KANK1: variants seen among roughly 807,000 people sequenced by gnomAD.
The protein encoded by KANK1 is KN motif and ankyrin repeat domain-containing protein 1.
In KANK1, 109 loss-of-function variants were observed where a neutral mutation model predicts 106.2. The observed-to-expected ratio is 1.03, with a 90% confidence interval of 0.88 to 1.20. KANK1 has a LOEUF of 1.20. Ranked by LOEUF, KANK1 falls within the 50% of genes most tolerant of loss-of-function variation. KANK1 has a pLI of 0.00. For synonymous variants in KANK1, 873 were observed against 652.2 expected (o/e 1.34, Z -5.16); for missense variants, 2,399 against 1,710.7 (o/e 1.40, Z -7.10).
In KANK1 at chr9:624,508, CAA is replaced by C. The variant is rs1833892285; in HGVS notation, c.-83-52381_-83-52380del. Among the ~76,000 whole-genome samples the C allele has an allele frequency of 2.0e-5, 3 of 152,066 alleles. No homozygotes were observed. In the South Asian group the frequency reaches 6.2e-4, roughly 32 times the overall value. ...AGCATCCTAAAAGTTGCATTAAAAA[CAA>C]TGATGAAAACAGGCCGGGTGTGGTG... is the stretch of plus-strand genomic sequence containing the variant. On this transcript the variant is annotated intron_variant, in intron 1 of 11. Coordinates refer to ENST00000382297, the MANE Select transcript of KANK1 (RefSeq NM_015158.5).
intron 1 of KANK1, among the ~76,000 whole-genome samples, chr9:569,075 G>A (rs1252767984): frequency 6.6e-6 from 1 of 152,132 alleles, no homozygotes; most frequent in Non-Finnish European, 1.5e-5. Context: ...TTGGGAGGCT[G>A]TTAGTGCAGA....
chr9:698,896 T>C (rs1564008178), intron 2 of KANK1, among the ~76,000 whole-genome samples: 1 of 152,174 alleles, frequency 6.6e-6, no homozygotes, highest in Non-Finnish European at 1.5e-5. Flanking sequence ...TTTCACTCCC[T>C]TGTTTAAAAC....
At position 521,608 on chromosome 9, in the gene KANK1, C is replaced by G. The variant is rs530319699; in HGVS notation, c.-84+16854C>G. Among the ~76,000 whole-genome samples the G allele has an allele frequency of 2.7e-5, 4 of 149,076 alleles. No individual in the cohort carries two copies. The South Asian group carries it at 6.4e-4, about 24-fold the overall frequency. Reference sequence around the variant, plus strand: ...TTGGAGACAGAGTTTTGCTCGTCACCCAGGCTGGAGTGCAATGGTGTGATC... The same window carrying G: ...TTGGAGACAGAGTTTTGCTCGTCACGCAGGCTGGAGTGCAATGGTGTGATC... On this transcript the variant is annotated intron_variant, in intron 1 of 11. Transcript: ENST00000382297.
rs762148441 is a variant in KANK1, at chr9:711,528, C to T, written c.762C>T (p.Asn254=). ...CAGGGATCTCCACCCCAGTGACCAA[C>T]GTGAGCCCCATGCACCTGCAGCACA... The part of the protein sequence containing the change: ...LSSGISTPVT[N]VSPMHLQHIR... The change falls in exon 3 of 12, where the codon AAC becomes AAT. Residue 254 remains asparagine (N), a synonymous_variant. Coordinates refer to ENST00000382297, the MANE Select transcript of KANK1 (RefSeq NM_015158.5). 6 of 1,613,650 alleles carry T rather than the reference C, an allele frequency of 3.7e-6. No homozygotes were observed. The South Asian group carries it at 6.6e-5, about 18-fold the overall frequency.
At chr9:550,142 A>G (rs2061185354) in intron 1 of KANK1, among the ~76,000 whole-genome samples, 1 of 152,082 alleles carries the variant, frequency 6.6e-6, no homozygotes, top group South Asian at 2.1e-4. Flanking sequence ...TTTGCAAGCA[A>G]TCACATTGCA....
At chr9:728,224 CCTCTGTCA>C (rs1330286282) in intron 3 of KANK1, among the ~76,000 whole-genome samples, 8 of 151,872 alleles carry the variant, frequency 5.3e-5, no homozygotes, top group Non-Finnish European at 1.2e-4. Flanking sequence ...ATGGAGTCTC[CCTCTGTCA>C]CTCTGTCACC....
At chr9:479,063 C>T (rs1057363557) in intron 3 of KANK1, among the ~76,000 whole-genome samples, 5 of 152,028 alleles carry the variant, frequency 3.3e-5, no homozygotes, top group African/African-American at 1.2e-4. Flanking sequence ...ATTACAGCCA[C>T]CCATAGATTT....
At chr9:507,556 ATTT>A (rs755577004) in intron 1 of KANK1, among the ~76,000 whole-genome samples, 4 of 127,390 alleles carry the variant, frequency 3.1e-5, no homozygotes, top group African/African-American at 6.4e-5. Context: ...TGCCCGGCTA[ATTT>A]TTTTTTTTTT....
intron 1 of KANK1, among the ~76,000 whole-genome samples, chr9:671,563 C>A: frequency 1.0e-5 from 1 of 98,050 alleles, no homozygotes; most frequent in Non-Finnish European, 2.0e-5. Context: ...TTGCAGCGTG[C>A]CGAGATGGCG....
chr9:649,546 C>CTGATTA (rs1351020506), intron 1 of KANK1, among the ~76,000 whole-genome samples: 2 of 152,150 alleles, frequency 1.3e-5, no homozygotes, highest in Non-Finnish European at 2.9e-5. Flanking sequence ...TAAGTAGTGC[C>CTGATTA]TGATTATAGC....
intron 2 of KANK1, among the ~76,000 whole-genome samples, chr9:692,006 C>T (rs530877908): frequency 2.5e-4 from 38 of 152,218 alleles, no homozygotes; most frequent in Middle Eastern, 3.4e-3. Context: ...TGAATTTTAT[C>T]ACAGGGCAGG....
At position 530,505 on chromosome 9, in the gene KANK1, GTCTGTTTCTTGACT is replaced by G. The variant is rs929202436; in HGVS notation, c.-84+25772_-84+25785del. Among the ~76,000 whole-genome samples, 74 of 152,146 alleles carry G rather than the reference GTCTGTTTCTTGACT, an allele frequency of 4.9e-4. 1 individual carries two copies. The highest frequency in any genetic ancestry group is 3.4e-3 in the Middle Eastern group (1 of 294). On this transcript the variant is annotated intron_variant, in intron 1 of 11. Transcript: ENST00000382297. ...CTGACTAAATCCCCCATGCCTATGTGTCTGTTTCTTGACTTCTGTTTCTTGACTTCTGTTGTGTT... is the reference window on the plus strand; with the variant it reads ...CTGACTAAATCCCCCATGCCTATGTGTCTGTTTCTTGACTTCTGTTGTGTT...
chr9:669,460 G>A (rs552288311), intron 1 of KANK1, among the ~76,000 whole-genome samples: 11 of 152,162 alleles, frequency 7.2e-5, no homozygotes, highest in African/African-American at 2.7e-4. Context: ...CTTCATACTT[G>A]AAGGATATTT....
At chr9:556,261 A>T (rs763122263) in intron 1 of KANK1, among the ~76,000 whole-genome samples, 2 of 152,234 alleles carry the variant, frequency 1.3e-5, no homozygotes, top group Non-Finnish European at 2.9e-5. Flanking sequence ...TTTTTAATTA[A>T]CGAGCATGCA....
At chr9:624,579 G>T (rs915082340) in intron 1 of KANK1, among the ~76,000 whole-genome samples, 2 of 152,064 alleles carry the variant, frequency 1.3e-5, no homozygotes, top group African/African-American at 2.4e-5. Flanking sequence ...TGAGGTGGGT[G>T]ATCACTTGAG....
intron 3 of KANK1, among the ~76,000 whole-genome samples, chr9:723,152 C>A (rs903392021): frequency 2.6e-5 from 4 of 152,148 alleles, no homozygotes; most frequent in African/African-American, 9.7e-5. Flanking sequence ...CCACTCTGAA[C>A]AGAATGGACA....
At chr9:480,919 G>C (rs1207365084) in intron 3 of KANK1, among the ~76,000 whole-genome samples, 1 of 152,158 alleles carries the variant, frequency 6.6e-6, no homozygotes, top group East Asian at 1.9e-4. Flanking sequence ...ATTCAAATTT[G>C]GTACAGATGC....
At position 710,615 on chromosome 9, in the gene KANK1, C is replaced by CAAAAAAAA. The variant is rs1222306010; in HGVS notation, c.38-182_38-175dup. 1.1e-4 allele frequency among the ~76,000 whole-genome samples: 4 copies of CAAAAAAAA among 35,934 alleles called. 2 individuals carry two copies. The highest frequency in any genetic ancestry group is 1.2e-3 in the East Asian group (2 of 1,664). The allele number at this position is 35,934 out of a possible 152,430, so 23.6% of individuals were successfully genotyped here. A position where few individuals can be genotyped will look rare whatever the true frequency, so the allele number is the denominator to read the frequency against. On this transcript the variant is annotated intron_variant, in intron 2 of 11. Coordinates refer to ENST00000382297, the MANE Select transcript of KANK1 (RefSeq NM_015158.5). ...GCCTGGGTGACAGAATGACCTGTCT[C>CAAAAAAAA]AAAAAAAAAAAAAACAAAAAAAAAC... is the stretch of plus-strand genomic sequence containing the variant.
chr9:651,515 A>G (rs1840875589), intron 1 of KANK1, among the ~76,000 whole-genome samples: 1 of 152,180 alleles, frequency 6.6e-6, no homozygotes. Context: ...AGTACCATGC[A>G]TTGGATACAT....
Sources: gnomAD v4.1 joint callset for allele counts (sites outside exome capture counted in the v4.1 genomes callset) on GRCh38, gnomAD v4.1.1 for gene constraint, MANE v1.5 for transcripts, NCBI Gene and HGNC (gene_info 2026-07-23, HGNC 2026-07-21) for gene names.